DLGAP2: variants seen among roughly 807,000 people sequenced by gnomAD.
DLGAP2 encodes the protein DLG associated protein 2.
Under a neutral mutation model 100.3 loss-of-function variants are expected in DLGAP2, and 26 were observed. That is an observed-to-expected ratio of 0.26 (90% CI 0.19 to 0.36). The LOEUF (loss-of-function observed/expected upper bound fraction) is 0.36. DLGAP2 is among the 10% of genes least tolerant of loss of function. DLGAP2 has a pLI of 1.00. For missense variants in DLGAP2, 1,858 were observed against 1,453.2 expected (o/e 1.28, Z -4.53); for synonymous variants, 886 against 630.1 (o/e 1.41, Z -6.08).
intron 1 of DLGAP2, among the ~76,000 whole-genome samples, chr8:746,156 A>T (rs1311043148): frequency 1.3e-5 from 2 of 152,230 alleles, no homozygotes; most frequent in Non-Finnish European, 2.9e-5. Flanking sequence ...GGAGCTTCTC[A>T]GAGAGACCAG....
chr8:1,287,969 G>T, intron 3 of DLGAP2, among the ~76,000 whole-genome samples: 1 of 123,126 alleles, frequency 8.1e-6, no homozygotes, highest in South Asian at 3.1e-4. Context: ...GTTGTTAGGG[G>T]AACTAGTTTC....
intron 2 of DLGAP2, among the ~76,000 whole-genome samples, chr8:940,163 T>C (rs1427110103): frequency 2.6e-5 from 4 of 152,226 alleles, no homozygotes; most frequent in South Asian, 4.1e-4. Flanking sequence ...GGCTTGAGTT[T>C]TACTACGTAT....
chr8:746,075 G>C (rs941825390), intron 1 of DLGAP2, among the ~76,000 whole-genome samples: 1 of 152,206 alleles, frequency 6.6e-6, no homozygotes, highest in Non-Finnish European at 1.5e-5. Context: ...TGATGGTCCT[G>C]GTCGGGGCCC....
intron 1 of DLGAP2, among the ~76,000 whole-genome samples, chr8:749,555 TGGA>T (rs1466815189): frequency 6.6e-6 from 1 of 152,254 alleles, no homozygotes; most frequent in Non-Finnish European, 1.5e-5. Context: ...TGTTCCCGTA[TGGA>T]GTGTGATTAA....
At chr8:1,579,988 C>G (rs1157075643) in intron 6 of DLGAP2, among the ~76,000 whole-genome samples, 5 of 152,192 alleles carry the variant, frequency 3.3e-5, no homozygotes, top group Admixed American at 1.3e-4. Flanking sequence ...CTGATGGCCT[C>G]AACACCTCCA....
At chr8:1,073,847 G>A (rs1460158403) in intron 2 of DLGAP2, among the ~76,000 whole-genome samples, 1 of 152,240 alleles carries the variant, frequency 6.6e-6, no homozygotes, top group African/African-American at 2.4e-5. Flanking sequence ...AGAGTCCAGG[G>A]GAGTAAGTTC....
In DLGAP2 at chr8:1,549,656, C is replaced by T. The variant is rs774698555; in HGVS notation, c.1203C>T (p.Pro401=). ...DKPLLHQDAK[P]ALRPCHYLQV... The stretch of plus-strand genomic sequence containing the variant: ...CGCTGCTGCACCAGGACGCCAAGCC[C>T]GCCCTGAGGCCGTGCCACTACCTCC... The change falls in exon 5 of 15, where the codon CCC becomes CCT. Residue 401 remains proline (P), a synonymous_variant. Transcript: ENST00000637795. 3 of 1,564,170 alleles carry T rather than the reference C, an allele frequency of 1.9e-6. No individual in the cohort carries two copies. Among genetic ancestry groups the T allele is most frequent in the Admixed American group, 1.9e-5 (1 of 53,394 alleles).
In DLGAP2 at chr8:1,454,400, C is replaced by T. The variant is rs115847861; in HGVS notation, c.107-46966C>T. Among the ~76,000 whole-genome samples, 930 of 151,912 alleles carry T rather than the reference C, an allele frequency of 6.1e-3. 13 individuals are homozygous for T. Among genetic ancestry groups the T allele is most frequent in the African/African-American group, 0.021 (852 of 41,394 alleles). On this transcript the variant is annotated intron_variant, in intron 3 of 14. Transcript: ENST00000637795. Reference sequence around the variant, plus strand: ...CTCTACACTGAAACTACCGTCCCTGCGTGAGTTTGAGGGCAAGGGTGTTCC... The same window carrying T: ...CTCTACACTGAAACTACCGTCCCTGTGTGAGTTTGAGGGCAAGGGTGTTCC...
chr8:1,355,942 C>T (rs1459953669), intron 3 of DLGAP2, among the ~76,000 whole-genome samples: 1 of 152,248 alleles, frequency 6.6e-6, no homozygotes, highest in Non-Finnish European at 1.5e-5. Flanking sequence ...AATTCAAGTA[C>T]ATGCGTGTTG....
intron 1 of DLGAP2, among the ~76,000 whole-genome samples, chr8:766,967 TTCC>T (rs1215776523): frequency 6.6e-6 from 1 of 152,174 alleles, no homozygotes; most frequent in African/African-American, 2.4e-5. Context: ...GGAGCACAGC[TTCC>T]TCCTCCTGCG....
chr8:1,182,832 G>T (rs377749830), intron 2 of DLGAP2, among the ~76,000 whole-genome samples: 2 of 152,204 alleles, frequency 1.3e-5, no homozygotes, highest in Non-Finnish European at 2.9e-5. Flanking sequence ...AGTGGCGCGT[G>T]GGGGACGGAC....
intron 3 of DLGAP2, among the ~76,000 whole-genome samples, chr8:1,268,469 G>A (rs1005040527): frequency 2.6e-5 from 4 of 152,294 alleles, no homozygotes; most frequent in South Asian, 2.1e-4. Flanking sequence ...GTGGGATAGC[G>A]TCTGACAGCT....
intron 6 of DLGAP2, among the ~76,000 whole-genome samples, chr8:1,579,731 C>G (rs1351921325): frequency 6.6e-6 from 1 of 152,172 alleles, no homozygotes; most frequent in Non-Finnish European, 1.5e-5. Flanking sequence ...AGAGAAATTC[C>G]TGAGAAGCAT....
chr8:1,190,351 C>T (rs1402171744), intron 2 of DLGAP2, among the ~76,000 whole-genome samples: 1 of 152,154 alleles, frequency 6.6e-6, no homozygotes, highest in African/African-American at 2.4e-5. Context: ...ATGCTGAGGC[C>T]TGTGTTAGTT....
chr8:841,391 C>G (rs928758853), intron 1 of DLGAP2, among the ~76,000 whole-genome samples: 1 of 152,214 alleles, frequency 6.6e-6, no homozygotes, highest in Non-Finnish European at 1.5e-5. Context: ...ACAACCCTGG[C>G]AGCCTTTCGT....
At chr8:1,567,199 G>C (rs1802438707) in intron 6 of DLGAP2, among the ~76,000 whole-genome samples, 2 of 152,224 alleles carry the variant, frequency 1.3e-5, no homozygotes, top group African/African-American at 4.8e-5. Context: ...TGACCCATCT[G>C]CTCCAGCAGG....
chr8:899,998 G>C (rs564881841), intron 1 of DLGAP2, among the ~76,000 whole-genome samples: 19 of 152,364 alleles, frequency 1.2e-4, no homozygotes, highest in South Asian at 6.2e-4. Context: ...ATGGGTGACC[G>C]AAGAGAAAGC....
At chr8:1,244,911 C>G (rs1798872017) in intron 2 of DLGAP2, among the ~76,000 whole-genome samples, 1 of 152,054 alleles carries the variant, frequency 6.6e-6, no homozygotes, top group East Asian at 1.9e-4. Flanking sequence ...AGAAGAACTC[C>G]TAAAGCACAT....
At chr8:1,145,475 C>A (rs944775487) in intron 2 of DLGAP2, among the ~76,000 whole-genome samples, 4 of 152,178 alleles carry the variant, frequency 2.6e-5, no homozygotes, top group Non-Finnish European at 5.9e-5. Context: ...TGTGGGTGTG[C>A]ATGCTTCATC....
Sources: allele counts gnomAD v4.1 joint callset (sites outside exome capture counted in the v4.1 genomes callset), GRCh38; gene constraint gnomAD v4.1.1; transcripts MANE v1.5; gene names NCBI Gene and HGNC (gene_info 2026-07-23, HGNC 2026-07-21).